Variants in DPP6 observed in about 807,000 individuals in gnomAD.
DPP6 encodes the protein A-type potassium channel modulatory protein DPP6.
A neutral mutation model predicts 122.6 loss-of-function variants in DPP6; 69 were observed. The ratio of observed to expected loss-of-function variants is 0.56; its 90% CI spans 0.46 to 0.69. The LOEUF is 0.69. Ranked by LOEUF, DPP6 falls within the 30% of genes least tolerant of loss-of-function variation. DPP6 has a pLI of 0.00. For synonymous variants in DPP6, 418 were observed against 433.1 expected (o/e 0.97, Z 0.43); for missense variants, 928 against 1,116.9 (o/e 0.83, Z 2.41).
At chr7:154,027,430 G>C (rs1799001502) in intron 1 of DPP6, among the ~76,000 whole-genome samples, 1 of 152,132 alleles carries the variant, frequency 6.6e-6, no homozygotes, top group Admixed American at 6.5e-5. Context: ...GTGGCTTCCT[G>C]ACCCACAGAG....
chr7:154,402,187 T>C (rs1002460042), intron 1 of DPP6, among the ~76,000 whole-genome samples: 3 of 151,594 alleles, frequency 2.0e-5, no homozygotes, highest in Admixed American at 6.6e-5. Context: ...GAAGTCAGTG[T>C]GGCGATTCCT....
At chr7:154,384,496 G>T (rs1007198541) in intron 1 of DPP6, among the ~76,000 whole-genome samples, 1 of 152,098 alleles carries the variant, frequency 6.6e-6, no homozygotes, top group African/African-American at 2.4e-5. Flanking sequence ...AAGAAGAGGT[G>T]CAGGGTGGTG....
At position 154,446,239 on chromosome 7, in the gene DPP6, A is replaced by G; in HGVS notation, c.269A>G (p.Gln90Arg). The G allele has an allele frequency of 1.2e-6, 2 of 1,609,508 alleles. No homozygotes were observed. The highest frequency in any genetic ancestry group is 1.7e-6 in the Non-Finnish European group (2 of 1,177,698). The change falls in exon 2 of 26, where the codon CAG (glutamine) becomes CGG (arginine). Residue 90 changes from glutamine (Q) to arginine (R), a missense_variant. Physicochemically the swap from Gln to Arg is conservative, Grantham distance 43 (BLOSUM62 1). Coordinates refer to ENST00000377770, the MANE Select transcript of DPP6 (RefSeq NM_130797.4). ...EDELVGSNPP[Q>R]RNWKGIAIAL... ...GAGCTGGTGGGGAGTAACCCTCCGC[A>G]GAGGAATTGGAAAGGAATAGCAATT... is the stretch of plus-strand genomic sequence containing the variant.
intron 1 of DPP6, among the ~76,000 whole-genome samples, chr7:153,933,884 G>A (rs558146339): frequency 1.5e-4 from 23 of 152,306 alleles, no homozygotes; most frequent in Non-Finnish European, 2.6e-4. Context: ...CCTGCAGGCC[G>A]AGCAGGCCCC....
chr7:154,127,609 A>G (rs1306865107), intron 1 of DPP6, among the ~76,000 whole-genome samples: 1 of 80,382 alleles, frequency 1.2e-5, no homozygotes, highest in Non-Finnish European at 2.5e-5. Flanking sequence ...ACACACACAC[A>G]CACACACACA....
At position 154,668,220 on chromosome 7, in the gene DPP6, A is replaced by ATATATATGT. The variant is rs59348250; in HGVS notation, c.681-1136_681-1135insTATGTTATA. Among the ~76,000 whole-genome samples the ATATATATGT allele has an allele frequency of 2.4e-4, 6 of 25,000 alleles. 2 individuals carry two copies. The highest frequency in any genetic ancestry group is 4.7e-4 in the African/African-American group (6 of 12,638). 16.4% of individuals were successfully genotyped at this position (25,000 alleles called of 152,430 possible). A position where few individuals can be genotyped will look rare whatever the true frequency, so the allele number is the denominator to read the frequency against. On this transcript the variant is annotated intron_variant, in intron 6 of 25. Transcript: ENST00000377770. ...TTTTATATATATATATATATATATA[A>ATATATATGT]TATACACATTTTTTTTTCAAGACAG... is the stretch of plus-strand genomic sequence containing the variant.
chr7:153,916,552 G>A (rs1800335626), intron 1 of DPP6, among the ~76,000 whole-genome samples: 1 of 151,692 alleles, frequency 6.6e-6, no homozygotes, highest in South Asian at 2.1e-4. Flanking sequence ...AGGATTACAG[G>A]TGCCCACCAT....
intron 1 of DPP6, among the ~76,000 whole-genome samples, chr7:153,965,512 ATTTTATT>A (rs1370365957): frequency 6.6e-6 from 1 of 151,836 alleles, no homozygotes; most frequent in South Asian, 2.1e-4. Context: ...AATTCTTTTT[ATTTTATT>A]TTTTATTTTT....
At chr7:153,871,358 C>T in the DPP6 span, among the ~76,000 whole-genome samples, 1 of 152,194 alleles carries the variant, frequency 6.6e-6, no homozygotes, top group South Asian at 2.1e-4. Flanking sequence ...TGGTGGGCGC[C>T]CCTCCCCCAG....
chr7:154,809,827 A>T (rs1375294061), intron 16 of DPP6, among the ~76,000 whole-genome samples: 2 of 152,212 alleles, frequency 1.3e-5, no homozygotes, highest in Non-Finnish European at 2.9e-5. Context: ...CATCTGCTCC[A>T]CATGGTGACC....
chr7:154,707,568 T>G (rs1840906761), intron 7 of DPP6, among the ~76,000 whole-genome samples: 1 of 152,202 alleles, frequency 6.6e-6, no homozygotes, highest in African/African-American at 2.4e-5. Context: ...CCATCGGACA[T>G]GCCCCGAGGG....
rs372941823 is a variant in DPP6 at position 154,801,456 on chromosome 7, G to A, written c.1401G>A (p.Ser467=). The change falls in exon 13 of 26, where the codon TCG becomes TCA. Residue 467 remains serine, a synonymous_variant. Transcript: ENST00000377770. ...AATTCTATCACATCACGGTGTCCTC[G>A]TCCCAGGTAAGTCCTGCTAGTTTCC... is the stretch of plus-strand genomic sequence containing the variant. ...RGKFYHITVS[S]SQPNSSNDNI... The A allele has an allele frequency of 2.0e-5, 32 of 1,577,276 alleles. 1 individual carries two copies. In the East Asian group the frequency reaches 3.0e-4, roughly 15 times the overall value.
At chr7:153,769,597 A>T in the DPP6 span, among the ~76,000 whole-genome samples, 1 of 152,196 alleles carries the variant, frequency 6.6e-6, no homozygotes, top group Non-Finnish European at 1.5e-5. Context: ...ATTCTAGGAG[A>T]TTTAAACTTG....
At chr7:154,638,167 AT>A (rs1465823547) in intron 6 of DPP6, among the ~76,000 whole-genome samples, 2 of 152,274 alleles carry the variant, frequency 1.3e-5, no homozygotes, top group African/African-American at 4.8e-5. Context: ...AGAGCCGGAC[AT>A]TCCCCTCTGC....
the DPP6 span, among the ~76,000 whole-genome samples, chr7:153,870,296 T>C: frequency 0.08 from 12,206 of 152,236 alleles, 719 homozygotes; most frequent in East Asian, 0.28. Flanking sequence ...ACCAATCAGA[T>C]GTAGATTTGG....
chr7:154,739,162 A>T (rs1333125173), intron 8 of DPP6, among the ~76,000 whole-genome samples: 1 of 152,170 alleles, frequency 6.6e-6, no homozygotes, highest in Non-Finnish European at 1.5e-5. Context: ...ATTGTCCAGA[A>T]CACCTCATAT....
At chr7:154,047,748 T>C (rs1800095727), upstream of DPP6, among the ~76,000 whole-genome samples, 1 of 152,210 alleles carries the variant, frequency 6.6e-6, no homozygotes, top group African/African-American at 2.4e-5. Flanking sequence ...AAATAATATA[T>C]ATTCTACGTA....
intron 1 of DPP6, among the ~76,000 whole-genome samples, chr7:154,298,384 C>T (rs1458000575): frequency 6.6e-6 from 1 of 152,124 alleles, no homozygotes; most frequent in African/African-American, 2.4e-5. Context: ...TTATCCACAG[C>T]ATTCTAATAT....
At chr7:154,558,688 G>A (rs1337633327) in intron 4 of DPP6, among the ~76,000 whole-genome samples, 2 of 152,192 alleles carry the variant, frequency 1.3e-5, no homozygotes. Context: ...TATGCCATAT[G>A]GCCTAGGTGT....
Sources: allele counts gnomAD v4.1 joint callset (sites outside exome capture counted in the v4.1 genomes callset), GRCh38; gene constraint gnomAD v4.1.1; transcripts MANE v1.5; gene names NCBI Gene and HGNC (gene_info 2026-07-23, HGNC 2026-07-21).